The following C8orf34 variants were observed in gnomAD, a reference collection of about 807,000 sequenced individuals.
C8orf34 encodes chromosome 8 open reading frame 34.
In C8orf34, 65 loss-of-function variants were observed where a neutral mutation model predicts 68.3. The ratio of observed to expected loss-of-function variants is 0.95; its 90% CI spans 0.78 to 1.17. The LOEUF (loss-of-function observed/expected upper bound fraction) is 1.17, where lower values mean the gene tolerates loss of function less well. Among genes scored for constraint, C8orf34 ranks in the 50% most tolerant of loss-of-function variants. The probability of loss-of-function intolerance (pLI) is 0.00; values close to 1 mark genes in which losing one functional copy is unlikely to be tolerated. For synonymous variants in C8orf34, 244 were observed against 241.2 expected (o/e 1.01, Z -0.11); for missense variants, 664 against 655.4 (o/e 1.01, Z -0.14).
rs537335808 is a variant in C8orf34, at chr8:68,683,454, G to T, written c.1242-25540G>T. On this transcript the variant is annotated intron_variant, in intron 8 of 13. Transcript: ENST00000518698. Reference sequence around the variant, plus strand: ...ATCTGTTTCTGTACCAACTACCTATGTCTCAAGTGCTTGCAGAAGAACTAA... The same window carrying T: ...ATCTGTTTCTGTACCAACTACCTATTTCTCAAGTGCTTGCAGAAGAACTAA... Among the ~76,000 whole-genome samples, 195 of 151,896 alleles carry T rather than the reference G, an allele frequency of 1.3e-3. 2 individuals are homozygous for T. Among genetic ancestry groups the T allele is most frequent in the Non-Finnish European group, 1.5e-3 (102 of 67,946 alleles).
chr8:68,345,420 C>A (rs2129618246), intron 1 of C8orf34, among the ~76,000 whole-genome samples: 2 of 151,748 alleles, frequency 1.3e-5, no homozygotes, highest in South Asian at 2.1e-4. Context: ...TATAGAAAAG[C>A]CAAAAAGTGC....
At chr8:68,551,572 C>CT (rs917806104) in intron 7 of C8orf34, among the ~76,000 whole-genome samples, 2 of 151,934 alleles carry the variant, frequency 1.3e-5, no homozygotes, top group African/African-American at 4.8e-5. Context: ...TTGTTTGGGG[C>CT]TTTTTTGTGC....
chr8:68,609,643 T>C (rs1448617252), intron 7 of C8orf34, among the ~76,000 whole-genome samples: 1 of 152,106 alleles, frequency 6.6e-6, no homozygotes, highest in African/African-American at 2.4e-5. Flanking sequence ...GAAGGCAGTA[T>C]TCAGTTTGCA....
rs1220865969 is a variant in C8orf34 at position 68,394,412 on chromosome 8, A to G, written c.328-45087A>G. Among the ~76,000 whole-genome samples, 8 of 152,052 alleles carry G rather than the reference A, an allele frequency of 5.3e-5. No homozygotes were observed. In the East Asian group the frequency reaches 5.9e-4, roughly 11 times the overall value. On this transcript the variant is annotated intron_variant, in intron 1 of 13. Transcript: ENST00000518698. ...TTTCATCCATGTCCCTACAAAGGACATGAACTCATCATTTTTTATGGCTGC... is the reference window on the plus strand; with the variant it reads ...TTTCATCCATGTCCCTACAAAGGACGTGAACTCATCATTTTTTATGGCTGC...
intron 1 of C8orf34, among the ~76,000 whole-genome samples, chr8:68,420,690 C>A (rs1809928591): frequency 6.6e-6 from 1 of 151,890 alleles, no homozygotes; most frequent in Non-Finnish European, 1.5e-5. Context: ...GGGATAGAGG[C>A]AATATTAAAA....
At chr8:68,780,916 T>C (rs919672123) in intron 11 of C8orf34, among the ~76,000 whole-genome samples, 9 of 152,362 alleles carry the variant, frequency 5.9e-5, no homozygotes, top group African/African-American at 2.2e-4. Context: ...GATTAATTCT[T>C]TGTCAGTGGA....
intron 7 of C8orf34, among the ~76,000 whole-genome samples, chr8:68,630,064 A>G (rs16934800): frequency 0.14 from 21,141 of 152,078 alleles, 1,533 homozygotes; most frequent in Admixed American, 0.21. Flanking sequence ...TTTAGTATAA[A>G]GCAATAGAAC....
chr8:68,576,400 A>G (rs781658983), intron 7 of C8orf34, among the ~76,000 whole-genome samples: 1 of 151,616 alleles, frequency 6.6e-6, no homozygotes, highest in African/African-American at 2.4e-5. Flanking sequence ...AAAATTAGGA[A>G]TGGAAAGTTA....
chr8:68,794,055 G>T (rs879759880), intron 12 of C8orf34, among the ~76,000 whole-genome samples: 2 of 152,080 alleles, frequency 1.3e-5, no homozygotes, highest in African/African-American at 4.8e-5. Flanking sequence ...TAAGCTATGA[G>T]GGTCTTTAAA....
intron 7 of C8orf34, among the ~76,000 whole-genome samples, chr8:68,615,764 G>T (rs1818189461): frequency 6.6e-6 from 1 of 152,096 alleles, no homozygotes; most frequent in Non-Finnish European, 1.5e-5. Context: ...TTTTGGTTTT[G>T]TCTCTGCCCA....
At chr8:68,635,625 C>T (rs748378722) in intron 7 of C8orf34, among the ~76,000 whole-genome samples, 35 of 152,110 alleles carry the variant, frequency 2.3e-4, no homozygotes, top group Non-Finnish European at 3.8e-4. Context: ...TTGGATTAAG[C>T]CATTTAGTAC....
intron 7 of C8orf34, among the ~76,000 whole-genome samples, chr8:68,636,254 C>T (rs988418433): frequency 6.6e-6 from 1 of 151,994 alleles, no homozygotes; most frequent in African/African-American, 2.4e-5. Context: ...GCAATGGCTG[C>T]AGAGACTGTG....
rs140371116 is a variant in C8orf34, at chr8:68,425,613, T to C, written c.328-13886T>C. 3.6e-3 allele frequency among the ~76,000 whole-genome samples: 546 copies of C among 152,236 alleles called. 5 individuals carry two copies. The highest frequency in any genetic ancestry group is 0.013 in the African/African-American group (520 of 41,544). On this transcript the variant is annotated intron_variant, in intron 1 of 13. Transcript: ENST00000518698. Reference sequence around the variant, plus strand: ...TTAAAACATTTAGCATCTCCATAAATTGATGTGTATAAAGCATTCTTATCA... The same window carrying C: ...TTAAAACATTTAGCATCTCCATAAACTGATGTGTATAAAGCATTCTTATCA...
chr8:68,661,398 C>T (rs944870465), intron 8 of C8orf34, among the ~76,000 whole-genome samples: 1 of 152,178 alleles, frequency 6.6e-6, no homozygotes, highest in African/African-American at 2.4e-5. Context: ...CAAAATGATA[C>T]AAGATTTTTC....
Position 68,424,965 on chromosome 8 carries a change from A to G in C8orf34, c.328-14534A>G, listed in dbSNP as rs773638963. The stretch of plus-strand genomic sequence containing the variant: ...TGAGTGAAATTTATTTCAGACATGT[A>G]AGGCTGGTTCAATATTTGAAAATCA... On this transcript the variant is annotated intron_variant, in intron 1 of 13. Coordinates refer to ENST00000518698, the MANE Select transcript of C8orf34 (RefSeq NM_052958.4). Among the ~76,000 whole-genome samples the G allele has an allele frequency of 1.9e-4, 29 of 152,298 alleles. No individual in the cohort carries two copies. In the South Asian group the frequency reaches 2.5e-3, roughly 13 times the overall value.
intron 8 of C8orf34, among the ~76,000 whole-genome samples, chr8:68,670,879 G>A (rs1819988269): frequency 6.6e-6 from 1 of 152,100 alleles, no homozygotes; most frequent in African/African-American, 2.4e-5. Context: ...ACTTCTTATA[G>A]CACTTATGAA....
intron 8 of C8orf34, among the ~76,000 whole-genome samples, chr8:68,676,071 A>G (rs991989290): frequency 1.3e-5 from 2 of 152,216 alleles, no homozygotes; most frequent in African/African-American, 4.8e-5. Flanking sequence ...ATGGCGGAGC[A>G]TGCATATAAT....
intron 1 of C8orf34, among the ~76,000 whole-genome samples, chr8:68,402,121 G>A (rs575404605): frequency 7.2e-5 from 11 of 152,120 alleles, no homozygotes; most frequent in African/African-American, 2.6e-4. Flanking sequence ...TCTGTTTCTT[G>A]TTGCTTCAAT....
At chr8:68,674,444 A>G (rs1412587710) in intron 8 of C8orf34, among the ~76,000 whole-genome samples, 2 of 152,204 alleles carry the variant, frequency 1.3e-5, no homozygotes, top group African/African-American at 2.4e-5. Flanking sequence ...AATAAATTTA[A>G]CAAAGAGATT....
Sources: allele counts gnomAD v4.1 joint callset (sites outside exome capture counted in the v4.1 genomes callset), GRCh38; gene constraint gnomAD v4.1.1; transcripts MANE v1.5; gene names NCBI Gene and HGNC (gene_info 2026-07-23, HGNC 2026-07-21).